The following GREM2 variants were observed in gnomAD, a reference collection of about 807,000 sequenced individuals.
GREM2 encodes gremlin-2.
A neutral mutation model predicts 14.2 loss-of-function variants in GREM2; 11 were observed. The ratio of observed to expected loss-of-function variants is 0.78; its 90% CI spans 0.49 to 1.28. GREM2 has a LOEUF of 1.28. GREM2 is among the 50% of genes most tolerant of loss of function. The pLI is 0.00. For missense variants in GREM2, 210 were observed against 218.5 expected, an observed-to-expected ratio of 0.96 and a Z score of 0.24; for synonymous variants, 98 against 97.6, an observed-to-expected ratio of 1.00 and a Z score of -0.02.
intron 1 of GREM2, among the ~76,000 whole-genome samples, chr1:240,598,158 T>C (rs147884028): frequency 1.3e-3 from 200 of 152,328 alleles, no homozygotes; most frequent in Middle Eastern, 3.4e-3. Context: ...GAATATTTAA[T>C]GCAAGAATTA....
intron 1 of GREM2, among the ~76,000 whole-genome samples, chr1:240,521,583 A>AAC (rs1678099978): frequency 6.6e-6 from 1 of 152,154 alleles, no homozygotes; most frequent in Non-Finnish European, 1.5e-5. Flanking sequence ...AAAAAAACAA[A>AAC]AAAACAAAGA....
intron 1 of GREM2, among the ~76,000 whole-genome samples, chr1:240,602,946 G>A (rs1328883781): frequency 2.0e-5 from 3 of 152,018 alleles, no homozygotes; most frequent in African/African-American, 4.8e-5. Context: ...GGTGGCGGGC[G>A]CCTGTAGTCC....
chr1:240,547,514 A>AAT (rs71170756), intron 1 of GREM2, among the ~76,000 whole-genome samples: 33 of 102,678 alleles, frequency 3.2e-4, no homozygotes, highest in South Asian at 6.1e-4. Flanking sequence ...AAAAAAAAAA[A>AAT]ATATATATAT....
At chr1:240,580,006 A>T (rs1572408508) in intron 1 of GREM2, among the ~76,000 whole-genome samples, 1 of 152,196 alleles carries the variant, frequency 6.6e-6, no homozygotes, top group South Asian at 2.1e-4. Flanking sequence ...GTCATCTGTG[A>T]TATGCACACA....
In GREM2 at chr1:240,489,849, AC is replaced by A. The variant is rs560965089; in HGVS notation, c.*3119del. The A allele has an allele frequency of 3.0e-4, 46 of 152,374 alleles. No individual in the cohort carries two copies. The highest frequency in any genetic ancestry group is 8.7e-4 in the African/African-American group (36 of 41,590). 9.4% of individuals were successfully genotyped at this position (152,374 alleles called of 1,614,324 possible). A position where few individuals can be genotyped will look rare whatever the true frequency, so the allele number is the denominator to read the frequency against. On this transcript the variant is annotated 3_prime_UTR_variant, in exon 2 of 2. Coordinates refer to ENST00000318160, the MANE Select transcript of GREM2 (RefSeq NM_022469.4). Reference sequence around the variant, plus strand: ...ATTTCAAAAACAAGTGAGTTAGAATACGTTAGCAGTGAAATATTCTGTCCCA... The same window carrying A: ...ATTTCAAAAACAAGTGAGTTAGAATAGTTAGCAGTGAAATATTCTGTCCCA...
intron 1 of GREM2, among the ~76,000 whole-genome samples, chr1:240,514,200 T>A (rs541169117): frequency 3.5e-5 from 5 of 143,468 alleles, no homozygotes; most frequent in Admixed American, 2.2e-4. Flanking sequence ...TGAGCTGAGA[T>A]TGCGTCATTA....
intron 1 of GREM2, among the ~76,000 whole-genome samples, chr1:240,588,075 T>C (rs953753031): frequency 1.3e-5 from 2 of 152,146 alleles, no homozygotes; most frequent in African/African-American, 4.8e-5. Flanking sequence ...ACAGGGGCAC[T>C]CCTTAACCAA....
chr1:240,577,151 C>T (rs975766315), intron 1 of GREM2, among the ~76,000 whole-genome samples: 1 of 152,122 alleles, frequency 6.6e-6, no homozygotes, highest in Non-Finnish European at 1.5e-5. Flanking sequence ...AGGATCTTTT[C>T]TTTAACTGAG....
At chr1:240,499,202 T>C (rs1214514191) in intron 1 of GREM2, among the ~76,000 whole-genome samples, 2 of 152,224 alleles carry the variant, frequency 1.3e-5, no homozygotes, top group Non-Finnish European at 2.9e-5. Context: ...TGAGTCATCC[T>C]TCCTGACAGG....
intron 1 of GREM2, chr1:240,589,282 A>G (rs549835113): frequency 2.0e-5 from 3 of 152,180 alleles, no homozygotes; most frequent in African/African-American, 7.2e-5. Flanking sequence ...CTAAAAATAC[A>G]AAATTAGCCG....
chr1:240,581,162 A>G (rs1679475426), intron 1 of GREM2, among the ~76,000 whole-genome samples: 1 of 151,892 alleles, frequency 6.6e-6, no homozygotes, highest in African/African-American at 2.4e-5. Flanking sequence ...AGGCAAGAGA[A>G]TCGCTCAAAT....
chr1:240,496,888 T>C (rs1677431772), intron 1 of GREM2, among the ~76,000 whole-genome samples: 1 of 152,060 alleles, frequency 6.6e-6, no homozygotes, highest in African/African-American at 2.4e-5. Context: ...GGCACACACC[T>C]GTAGTCCCAG....
intron 1 of GREM2, among the ~76,000 whole-genome samples, chr1:240,505,090 G>GTTGT (rs1463099240): frequency 6.6e-6 from 1 of 152,064 alleles, no homozygotes; most frequent in Non-Finnish European, 1.5e-5. Flanking sequence ...ACAAGATCTA[G>GTTGT]TTGTTTAAAA....
At chr1:240,505,927 G>A (rs997089366) in intron 1 of GREM2, among the ~76,000 whole-genome samples, 14 of 151,902 alleles carry the variant, frequency 9.2e-5, no homozygotes, top group Admixed American at 7.2e-4. Context: ...GTATAAAATA[G>A]CAATGGTATT....
rs558270676 is a variant in GREM2 at position 240,489,579 on chromosome 1, T to C, written c.*3390A>G. The C allele has an allele frequency of 6.6e-6, 1 of 152,390 alleles. No individual in the cohort carries two copies. The highest frequency in any genetic ancestry group is 2.1e-4 in the South Asian group (1 of 4,830). The allele number at this position is 152,390 out of a possible 1,614,324, so 9.4% of individuals were successfully genotyped here. A position where few individuals can be genotyped will look rare whatever the true frequency, so the allele number is the denominator to read the frequency against. ...ACATGATGAATAAGACATCTTAGGC[T>C]GCTCTGCCTATGAAGTAGGCATTCT... is the stretch of plus-strand genomic sequence containing the variant. On this transcript the variant is annotated 3_prime_UTR_variant, in exon 2 of 2. Coordinates refer to ENST00000318160, the MANE Select transcript of GREM2 (RefSeq NM_022469.4).
intron 1 of GREM2, among the ~76,000 whole-genome samples, chr1:240,522,955 A>G (rs1678135816): frequency 6.6e-6 from 1 of 152,248 alleles, no homozygotes; most frequent in Non-Finnish European, 1.5e-5. Flanking sequence ...TAACCATGAA[A>G]AAAGAAGACA....
chr1:240,582,989 C>G (rs1679520291), intron 1 of GREM2, among the ~76,000 whole-genome samples: 3 of 152,146 alleles, frequency 2.0e-5, no homozygotes, highest in African/African-American at 7.2e-5. Context: ...TGACTAAAAC[C>G]TCTTGTATTT....
At chr1:240,538,190 G>A (rs781583599) in intron 1 of GREM2, among the ~76,000 whole-genome samples, 4 of 152,136 alleles carry the variant, frequency 2.6e-5, no homozygotes, top group Non-Finnish European at 4.4e-5. Context: ...AACCTAAAAC[G>A]TTCAGGAGTT....
chr1:240,554,456 G>C (rs1179836460), intron 1 of GREM2, among the ~76,000 whole-genome samples: 1 of 150,704 alleles, frequency 6.6e-6, no homozygotes, highest in Non-Finnish European at 1.5e-5. Context: ...TGCCCAAATA[G>C]TCCTAGAAAT....
Sources: gnomAD v4.1 joint callset for allele counts (sites outside exome capture counted in the v4.1 genomes callset) on GRCh38, gnomAD v4.1.1 for gene constraint, MANE v1.5 for transcripts, NCBI Gene and HGNC (gene_info 2026-07-23, HGNC 2026-07-21) for gene names.